The following M1AP variants were observed in gnomAD, a reference collection of about 807,000 sequenced individuals.
M1AP encodes the protein meiosis 1 associated protein.
Under a neutral mutation model 51.2 loss-of-function variants are expected in M1AP, and 39 were observed. That is an observed-to-expected ratio of 0.76 (90% CI 0.59 to 1.00). The LOEUF is 1.00. Ranked by LOEUF, M1AP falls within the 50% of genes least tolerant of loss-of-function variation. The probability of loss-of-function intolerance (pLI) is 0.00; values close to 1 mark genes in which losing one functional copy is unlikely to be tolerated. For synonymous variants in M1AP, 251 were observed against 249.2 expected, an observed-to-expected ratio of 1.01 and a Z score of -0.07; for missense variants, 545 against 641.2, an observed-to-expected ratio of 0.85 and a Z score of 1.62.
rs550653257 is a variant in M1AP, at chr2:74,616,397, T to C, written c.241-1248A>G. 1.3e-4 allele frequency among the ~76,000 whole-genome samples: 20 copies of C among 152,344 alleles called. 1 individual carries two copies. The South Asian group carries it at 2.3e-3, about 17-fold the overall frequency. On this transcript the variant is annotated intron_variant, in intron 2 of 10. Coordinates refer to ENST00000421985, the MANE Select transcript of M1AP (RefSeq NM_001321739.2). ...AATATAACTCTTCAAAACAGTCCAA[T>C]TGAATCTAAATGCCATGGTGATTTG...
intron 7 of M1AP, among the ~76,000 whole-genome samples, chr2:74,571,034 T>G (rs1275728905): frequency 6.6e-6 from 1 of 152,206 alleles, no homozygotes; most frequent in Non-Finnish European, 1.5e-5. Flanking sequence ...ATAGGCAAGG[T>G]GTAATACGTG....
At chr2:74,596,569 G>A (rs760727132) in intron 4 of M1AP, among the ~76,000 whole-genome samples, 1 of 151,692 alleles carries the variant, frequency 6.6e-6, no homozygotes, top group Admixed American at 6.6e-5. Context: ...GCAAAAGAGC[G>A]AGACTCCATC....
chr2:74,603,460 C>T (rs572322559), intron 4 of M1AP, among the ~76,000 whole-genome samples: 2 of 152,264 alleles, frequency 1.3e-5, no homozygotes, highest in South Asian at 2.1e-4. Context: ...GTAGAGACCA[C>T]AAGTGATGTC....
intron 1 of M1AP, among the ~76,000 whole-genome samples, chr2:74,644,476 T>G (rs1433650711): frequency 6.6e-6 from 1 of 150,840 alleles, no homozygotes; most frequent in Non-Finnish European, 1.5e-5. Context: ...AGGCGGAGGT[T>G]GCAGTGAGCC....
chr2:74,564,458 G>A (rs1678245467), intron 7 of M1AP, among the ~76,000 whole-genome samples: 1 of 152,168 alleles, frequency 6.6e-6, no homozygotes, highest in African/African-American at 2.4e-5. Flanking sequence ...AAGGTTTTGG[G>A]GGTGGGACAG....
intron 1 of M1AP, among the ~76,000 whole-genome samples, chr2:74,646,800 G>T (rs1683642024): frequency 6.6e-6 from 1 of 152,128 alleles, no homozygotes; most frequent in South Asian, 2.1e-4. Flanking sequence ...ATTTTTCAAG[G>T]TTATAGAACA....
intron 4 of M1AP, among the ~76,000 whole-genome samples, chr2:74,598,551 G>A (rs1680483770): frequency 6.6e-6 from 1 of 151,140 alleles, no homozygotes; most frequent in Non-Finnish European, 1.5e-5. Flanking sequence ...TTACAGCTGT[G>A]GACCATTCAT....
chr2:74,598,746 G>C (rs1183543202), intron 4 of M1AP, among the ~76,000 whole-genome samples: 1 of 150,448 alleles, frequency 6.6e-6, no homozygotes, highest in East Asian at 2.0e-4. Flanking sequence ...TCAGCATCCT[G>C]AGTAGCTGGG....
chr2:74,643,480 C>A (rs1683428462), intron 1 of M1AP, among the ~76,000 whole-genome samples: 2 of 150,500 alleles, frequency 1.3e-5, no homozygotes, highest in South Asian at 4.2e-4. Context: ...TAAAGAAAAG[C>A]AAAGAATTGA....
At position 74,558,632 on chromosome 2, in the gene M1AP, AG is replaced by A. The variant is rs1677671879; in HGVS notation, c.*83del. The A allele has an allele frequency of 5.9e-6, 9 of 1,519,964 alleles. No individual in the cohort carries two copies. Among genetic ancestry groups the A allele is most frequent in the Admixed American group, 5.7e-5 (3 of 52,298 alleles). 94.2% of individuals were successfully genotyped at this position (1,519,964 alleles called of 1,614,324 possible). On this transcript the variant is annotated 3_prime_UTR_variant, in exon 11 of 11. Coordinates refer to ENST00000421985, the MANE Select transcript of M1AP (RefSeq NM_001321739.2). ...CTCACAGAGGCTCAGGCGGATAGAG[AG>A]CAAGTCTGACCACAGATAGCCATTA... is the stretch of plus-strand genomic sequence containing the variant.
intron 7 of M1AP, among the ~76,000 whole-genome samples, chr2:74,573,117 G>A (rs987904650): frequency 2.0e-5 from 3 of 152,062 alleles, no homozygotes; most frequent in Non-Finnish European, 1.5e-5. Flanking sequence ...CACGATTTCG[G>A]CTCACTGCAA....
At chr2:74,587,207 T>A (rs1474361536) in intron 4 of M1AP, among the ~76,000 whole-genome samples, 1 of 151,944 alleles carries the variant, frequency 6.6e-6, no homozygotes, top group Non-Finnish European at 1.5e-5. Context: ...TTTTTTTTCT[T>A]TTTTCTTTTG....
chr2:74,607,518 G>C (rs1460607305), intron 3 of M1AP, among the ~76,000 whole-genome samples: 1 of 152,160 alleles, frequency 6.6e-6, no homozygotes, highest in Non-Finnish European at 1.5e-5. Flanking sequence ...CTGTCGCCCA[G>C]GCTGGAGTGC....
In M1AP at chr2:74,579,351, A is replaced by C. The variant is rs1301581802; in HGVS notation, c.769+2323T>G. On this transcript the variant is annotated intron_variant, in intron 5 of 10. Coordinates refer to ENST00000421985, the MANE Select transcript of M1AP (RefSeq NM_001321739.2). ...TGTTCAGAATTGCTTAGCATGAGGC[A>C]GGTTAATATAGTAGATAAAGGCCCA... is the stretch of plus-strand genomic sequence containing the variant. Among the ~76,000 whole-genome samples, 9 of 152,226 alleles carry C rather than the reference A, an allele frequency of 5.9e-5. 1 individual carries two copies. Among genetic ancestry groups the C allele is most frequent in the Admixed American group, 5.9e-4 (9 of 15,282 alleles).
intron 2 of M1AP, among the ~76,000 whole-genome samples, chr2:74,629,850 C>T (rs993377435): frequency 5.9e-5 from 9 of 151,702 alleles, no homozygotes; most frequent in Admixed American, 5.9e-4. Flanking sequence ...ATCCCTAAGT[C>T]ATTATGTACA....
In M1AP at chr2:74,640,299, T is replaced by C. The variant is rs772118254; in HGVS notation, c.-24A>G. The C allele has an allele frequency of 1.9e-6, 3 of 1,613,190 alleles. No homozygotes were observed. In the South Asian group the frequency reaches 3.3e-5, roughly 18 times the overall value. On this transcript the variant is annotated 5_prime_UTR_variant, in exon 2 of 11. Transcript: ENST00000421985. ...ATGGCAGCAAAACCAGAGGGGGAAC[T>C]GTAGCCACCAGCTGGATATTCTTTA...
At chr2:74,561,905 C>A in intron 8 of M1AP, 1 of 985,386 alleles carries the variant, frequency 1.0e-6, no homozygotes, top group Non-Finnish European at 1.2e-6. Context: ...GGTCCGTGTG[C>A]ATGTCGTGTG....
intron 2 of M1AP, chr2:74,628,522 A>C (rs1682528433): frequency 6.3e-6 from 3 of 476,692 alleles, no homozygotes; most frequent in African/African-American, 6.0e-5. Context: ...CTAAAGGCAA[A>C]TATCACCCAA....
intron 3 of M1AP, among the ~76,000 whole-genome samples, chr2:74,614,252 C>A (rs532330147): frequency 6.6e-6 from 1 of 152,148 alleles, no homozygotes; most frequent in Non-Finnish European, 1.5e-5. Context: ...TGCCCTGTGA[C>A]CTCACTTCTC....
Sources: gnomAD v4.1 joint callset for allele counts (sites outside exome capture counted in the v4.1 genomes callset) on GRCh38, gnomAD v4.1.1 for gene constraint, MANE v1.5 for transcripts, NCBI Gene and HGNC (gene_info 2026-07-23, HGNC 2026-07-21) for gene names.